Variants in ST8SIA6 observed in about 807,000 individuals in gnomAD.
ST8SIA6 encodes the protein ST8 alpha-N-acetyl-neuraminide alpha-2,8-sialyltransferase 6, also known as alpha-2,8-sialyltransferase 8F.
ST8SIA6 carries 39 observed loss-of-function variants against 33.6 expected under a neutral mutation model. The observed-to-expected ratio is 1.16, with a 90% confidence interval of 0.90 to 1.52. The LOEUF is 1.52. ST8SIA6 is among the 40% of genes most tolerant of loss of function. The probability of loss-of-function intolerance (pLI) is 0.00; values close to 1 mark genes in which losing one functional copy is unlikely to be tolerated. For missense variants in ST8SIA6, 441 were observed against 443.8 expected (o/e 0.99, Z 0.06); for synonymous variants, 172 against 167.2 (o/e 1.03, Z -0.22).
At chr10:17,443,102 C>G (rs1852563773) in intron 2 of ST8SIA6, among the ~76,000 whole-genome samples, 1 of 152,246 alleles carries the variant, frequency 6.6e-6, no homozygotes, top group African/African-American at 2.4e-5. Flanking sequence ...CTCAAAAACA[C>G]AAAAATATGC....
intron 6 of ST8SIA6, among the ~76,000 whole-genome samples, chr10:17,324,954 CATA>C (rs1268619576): frequency 4.9e-5 from 7 of 142,718 alleles, no homozygotes; most frequent in Non-Finnish European, 7.5e-5. Flanking sequence ...ATATATAACA[CATA>C]ATGTGTATAT....
intron 3 of ST8SIA6, among the ~76,000 whole-genome samples, chr10:17,382,272 T>G (rs422176): frequency 0.33 from 50,655 of 151,792 alleles, 9,033 homozygotes; most frequent in East Asian, 0.64. Flanking sequence ...TTTAATTAAG[T>G]TTATTACATC....
chr10:17,344,852 A>C (rs61844962), intron 4 of ST8SIA6, among the ~76,000 whole-genome samples: 31,020 of 152,110 alleles, frequency 0.2, 3,355 homozygotes, highest in African/African-American at 0.26. Context: ...GTGAAAATCC[A>C]TGCCCAGGCA....
At chr10:17,389,636 C>G (rs866535244) in intron 3 of ST8SIA6, among the ~76,000 whole-genome samples, 4 of 152,092 alleles carry the variant, frequency 2.6e-5, no homozygotes, top group Admixed American at 6.6e-5. Flanking sequence ...GTAAGCAGCG[C>G]AGGGGAAGCT....
At chr10:17,442,777 A>G (rs1248632301) in intron 2 of ST8SIA6, among the ~76,000 whole-genome samples, 2 of 152,222 alleles carry the variant, frequency 1.3e-5, no homozygotes, top group African/African-American at 4.8e-5. Context: ...CCAATTAGAA[A>G]ATGTTATTTT....
chr10:17,452,143 A>G (rs1279085640), intron 2 of ST8SIA6, among the ~76,000 whole-genome samples: 1 of 152,218 alleles, frequency 6.6e-6, no homozygotes, highest in Non-Finnish European at 1.5e-5. Context: ...ATAGTACACC[A>G]ACCTGAATAG....
chr10:17,439,390 G>C (rs190835648), intron 2 of ST8SIA6, among the ~76,000 whole-genome samples: 69 of 147,540 alleles, frequency 4.7e-4, no homozygotes, highest in Admixed American at 1.5e-3. Flanking sequence ...AGTGATTCTT[G>C]TGCCTCAGCC....
At chr10:17,388,692 A>G (rs973543230) in intron 3 of ST8SIA6, among the ~76,000 whole-genome samples, 1 of 152,208 alleles carries the variant, frequency 6.6e-6, no homozygotes, top group African/African-American at 2.4e-5. Flanking sequence ...AATCAGACCT[A>G]ACTGACTACA....
At chr10:17,346,886 G>A (rs1037675679) in intron 4 of ST8SIA6, among the ~76,000 whole-genome samples, 1 of 151,852 alleles carries the variant, frequency 6.6e-6, no homozygotes, top group Non-Finnish European at 1.5e-5. Flanking sequence ...TCTATCTATC[G>A]ATCTATCGAG....
At chr10:17,348,776 T>A (rs1353549791) in intron 4 of ST8SIA6, among the ~76,000 whole-genome samples, 3 of 152,176 alleles carry the variant, frequency 2.0e-5, no homozygotes, top group Non-Finnish European at 4.4e-5. Flanking sequence ...GGCTTCTGGC[T>A]CCCTTCCAAA....
chr10:17,333,964 T>A (rs1367629460), intron 4 of ST8SIA6, among the ~76,000 whole-genome samples: 1 of 149,442 alleles, frequency 6.7e-6, no homozygotes, highest in African/African-American at 2.4e-5. Context: ...TCAAGTGATC[T>A]GCACCCTCAG....
chr10:17,421,936 AG>A (rs1412045628), intron 2 of ST8SIA6, among the ~76,000 whole-genome samples: 3 of 152,176 alleles, frequency 2.0e-5, no homozygotes, highest in African/African-American at 7.2e-5. Context: ...AAAGGAAACA[AG>A]TAGAGAAGAA....
chr10:17,335,017 T>A (rs542672195), intron 4 of ST8SIA6, among the ~76,000 whole-genome samples: 1 of 152,356 alleles, frequency 6.6e-6, no homozygotes, highest in East Asian at 1.9e-4. Context: ...TCTATTTTCC[T>A]TGTTAGGTTT....
intron 2 of ST8SIA6, among the ~76,000 whole-genome samples, chr10:17,392,310 G>T (rs140119561): frequency 6.6e-6 from 1 of 152,306 alleles, no homozygotes; most frequent in African/African-American, 2.4e-5. Context: ...GTGTCATTTA[G>T]ATGGAGACAC....
At chr10:17,390,709 G>C in intron 2 of ST8SIA6, 89 bp from the exon 3 acceptor site, 1 of 1,076,186 alleles carries the variant, frequency 9.3e-7, no homozygotes, top group Non-Finnish European at 1.4e-6. Context: ...AATTGATAAA[G>C]TGTGTCCAAA....
chr10:17,428,203 G>A (rs1851994623), intron 2 of ST8SIA6, among the ~76,000 whole-genome samples: 3 of 152,136 alleles, frequency 2.0e-5, no homozygotes, highest in Admixed American at 1.3e-4. Flanking sequence ...TTGCTTTGAT[G>A]ATAAGCAGAT....
intron 3 of ST8SIA6, among the ~76,000 whole-genome samples, chr10:17,376,376 G>A (rs536309198): frequency 9.8e-6 from 1 of 102,252 alleles, no homozygotes; most frequent in Non-Finnish European, 2.3e-5. Context: ...TCAGACTTCC[G>A]AGAGCTTTTA....
At chr10:17,355,484 A>G (rs1375639965) in intron 4 of ST8SIA6, among the ~76,000 whole-genome samples, 1 of 152,198 alleles carries the variant, frequency 6.6e-6, no homozygotes, top group Non-Finnish European at 1.5e-5. Flanking sequence ...AAACAAGATA[A>G]TGCCATGTCC....
chr10:17,322,261 G>C (rs1026502501), intron 7 of ST8SIA6, among the ~76,000 whole-genome samples: 3 of 150,450 alleles, frequency 2.0e-5, no homozygotes, highest in Non-Finnish European at 4.5e-5. Context: ...AGGAAAAAGA[G>C]AGAAAGAAAA....
Sources: allele counts gnomAD v4.1 joint callset (sites outside exome capture counted in the v4.1 genomes callset), GRCh38; gene constraint gnomAD v4.1.1; transcripts MANE v1.5; gene names NCBI Gene and HGNC (gene_info 2026-07-23, HGNC 2026-07-21).